The following TEKT5 variants were observed in gnomAD, a reference collection of about 807,000 sequenced individuals.
TEKT5 encodes the protein tektin-5.
TEKT5 carries 52 observed loss-of-function variants against 48.7 expected under a neutral mutation model. That is an observed-to-expected ratio of 1.07 (90% CI 0.86 to 1.35). The LOEUF is 1.35. Ranked by LOEUF, TEKT5 falls within the 40% of genes most tolerant of loss-of-function variation. The pLI, the probability that TEKT5 is intolerant of heterozygous loss-of-function variation, is 0.00. For synonymous variants in TEKT5, 318 were observed against 267.6 expected, an observed-to-expected ratio of 1.19 and a Z score of -1.84; for missense variants, 831 against 641.6, an observed-to-expected ratio of 1.30 and a Z score of -3.19.
Position 10,643,598 on chromosome 16 carries a change from C to T in TEKT5, c.1087-7680G>A, listed in dbSNP as rs543233390. On this transcript the variant is annotated intron_variant, in intron 5 of 6. Coordinates refer to ENST00000283025, the MANE Select transcript of TEKT5 (RefSeq NM_144674.2). ...AATTGAGATGAGCCGTAAGTAAGCA[C>T]GTAACATGCACCAGATTTTGAAGAC... Among the ~76,000 whole-genome samples the T allele has an allele frequency of 4.7e-4, 72 of 152,140 alleles. 1 individual carries two copies. The highest frequency in any genetic ancestry group is 1.5e-3 in the African/African-American group (63 of 41,510).
chr16:10,681,940 C>A, intron 4 of TEKT5, 53 bp downstream of exon 4: 2 of 1,590,878 alleles, frequency 1.3e-6, no homozygotes, highest in Non-Finnish European at 8.6e-7. Context: ...GGAGCAGAAG[C>A]CCTCACTCCA....
At chr16:10,669,054 A>T (rs189281206) in intron 5 of TEKT5, among the ~76,000 whole-genome samples, 3 of 152,298 alleles carry the variant, frequency 2.0e-5, no homozygotes, top group Non-Finnish European at 4.4e-5. Context: ...TTTATGTGAA[A>T]TCACCATTTT....
Position 10,682,019 on chromosome 16 carries a change from G to T in TEKT5, c.837C>A (p.Phe279Leu), listed in dbSNP as rs762989122. The T allele has an allele frequency of 3.7e-6, 6 of 1,614,020 alleles. No homozygotes were observed. The Admixed American group carries it at 1.0e-4, about 27-fold the overall frequency. ...TGCCGTCAATTTTCTCCATGCCGTG[G>T]AAGAAGCTGATGCAGTCTGACGTAT... ...LRNTSDCISF[F>L]HGMEKIDGTI... Residue 279 changes from phenylalanine to leucine, a missense_variant, in exon 4 of 7, where the codon TTC becomes TTA. Physicochemically the swap from Phe to Leu is conservative, Grantham distance 22 (BLOSUM62 0). Coordinates refer to ENST00000283025, the MANE Select transcript of TEKT5 (RefSeq NM_144674.2).
chr16:10,665,964 G>T (rs896337800), intron 5 of TEKT5, among the ~76,000 whole-genome samples: 1 of 152,164 alleles, frequency 6.6e-6, no homozygotes, highest in African/African-American at 2.4e-5. Context: ...AACAGAACAG[G>T]GGCTGGGCGC....
rs1899050150 is a variant in TEKT5 at position 10,694,668 on chromosome 16, G to A, written c.206C>T (p.Thr69Ile). The change falls in exon 1 of 7, where the codon ACC (threonine) becomes ATC (isoleucine). Residue 69 changes from threonine to isoleucine, a missense_variant. Coordinates refer to ENST00000283025, the MANE Select transcript of TEKT5 (RefSeq NM_144674.2). ...ANVQTCPDES[T>I]STLRPPTILP... ...GATGGTGGGCGGCCGCAGGGTACTGGTGCTCTCGTCCGGGCAGGTCTGGAC... is the reference window on the plus strand; with the variant it reads ...GATGGTGGGCGGCCGCAGGGTACTGATGCTCTCGTCCGGGCAGGTCTGGAC... The A allele has an allele frequency of 8.1e-6, 13 of 1,613,312 alleles. No individual in the cohort carries two copies. The highest frequency in any genetic ancestry group is 1.3e-5 in the African/African-American group (1 of 74,928).
chr16:10,650,775 C>T (rs1247564515), intron 5 of TEKT5, among the ~76,000 whole-genome samples: 3 of 151,968 alleles, frequency 2.0e-5, no homozygotes, highest in African/African-American at 4.8e-5. Context: ...ATCCCAGCTA[C>T]TCAGGAGGCT....
chr16:10,635,505 C>A (rs1277802449), intron 6 of TEKT5, among the ~76,000 whole-genome samples: 1 of 152,078 alleles, frequency 6.6e-6, no homozygotes, highest in African/African-American at 2.4e-5. Context: ...CAAAACCACC[C>A]CTAGTTTAGG....
rs1013144529 is a variant in TEKT5, at chr16:10,638,188, G to T, written c.1087-2270C>A. On this transcript the variant is annotated intron_variant, in intron 5 of 6. Transcript: ENST00000283025. Reference sequence around the variant, plus strand: ...ACAAAAAATAAAAGAACGAGAGAATGAACAAAGAATGGGCTCAAAAGCCTA... The same window carrying T: ...ACAAAAAATAAAAGAACGAGAGAATTAACAAAGAATGGGCTCAAAAGCCTA... 5.3e-5 allele frequency among the ~76,000 whole-genome samples: 8 copies of T among 152,306 alleles called. No individual in the cohort carries two copies. The East Asian group carries it at 1.5e-3, about 29-fold the overall frequency.
At chr16:10,674,617 GAAAAAA>G (rs57583870) in intron 5 of TEKT5, among the ~76,000 whole-genome samples, 58 of 74,732 alleles carry the variant, frequency 7.8e-4, no homozygotes, top group South Asian at 4.3e-3. Context: ...GATCATCTCA[GAAAAAA>G]AAAAAAAAAA....
At chr16:10,666,581 C>A (rs1245515818) in intron 5 of TEKT5, among the ~76,000 whole-genome samples, 1 of 152,212 alleles carries the variant, frequency 6.6e-6, no homozygotes, top group Non-Finnish European at 1.5e-5. Flanking sequence ...ACAACCACTA[C>A]AGTGAAGAAT....
At chr16:10,645,638 G>C (rs1250869511) in intron 5 of TEKT5, among the ~76,000 whole-genome samples, 2 of 151,936 alleles carry the variant, frequency 1.3e-5, no homozygotes, top group Admixed American at 6.6e-5. Flanking sequence ...TCCCATCTCT[G>C]CTAAAAATAC....
intron 6 of TEKT5, among the ~76,000 whole-genome samples, chr16:10,631,812 G>C (rs1224029261): frequency 2.0e-5 from 3 of 152,188 alleles, no homozygotes; most frequent in Non-Finnish European, 4.4e-5. Context: ...GAGTGGAAGG[G>C]AACAGAGCCT....
At chr16:10,636,693 G>A (rs1897918349) in intron 5 of TEKT5, among the ~76,000 whole-genome samples, 1 of 80,336 alleles carries the variant, frequency 1.2e-5, no homozygotes, top group African/African-American at 7.1e-5. Flanking sequence ...ATACATACGT[G>A]TGTGTGTGTG....
intron 5 of TEKT5, among the ~76,000 whole-genome samples, chr16:10,640,742 G>T (rs944468838): frequency 1.9e-4 from 28 of 145,580 alleles, no homozygotes; most frequent in African/African-American, 7.7e-4. Context: ...TTTGGAGGGA[G>T]GGGGTTCTGG....
chr16:10,693,319 T>A (rs1282931338), intron 1 of TEKT5, among the ~76,000 whole-genome samples: 11 of 152,198 alleles, frequency 7.2e-5, no homozygotes, highest in African/African-American at 2.7e-4. Flanking sequence ...GGTCTCAAAC[T>A]CCTGACCTCA....
In TEKT5 at chr16:10,658,988, G is replaced by T. The variant is rs140209864; in HGVS notation, c.1086+16971C>A. Among the ~76,000 whole-genome samples, 468 of 152,312 alleles carry T rather than the reference G, an allele frequency of 3.1e-3. 3 individuals carry two copies. The highest frequency in any genetic ancestry group is 0.011 in the African/African-American group (438 of 41,562). On this transcript the variant is annotated intron_variant, in intron 5 of 6. Transcript: ENST00000283025. ...CCACTTCAGTCTCCCAAAGTGCTAG[G>T]ATTACAGATGTGAGCCACGGTGCCC...
intron 5 of TEKT5, among the ~76,000 whole-genome samples, chr16:10,638,010 C>G (rs1172515191): frequency 6.6e-6 from 1 of 152,102 alleles, no homozygotes. Flanking sequence ...TTGGGGCTTG[C>G]TATGTTGCTC....
chr16:10,666,265 T>C (rs1898455223), intron 5 of TEKT5, among the ~76,000 whole-genome samples: 4 of 152,196 alleles, frequency 2.6e-5, no homozygotes, highest in Non-Finnish European at 5.9e-5. Context: ...CAACAGTTCA[T>C]GAGTTCAGGA....
chr16:10,694,715 G>A lies in TEKT5; in HGVS notation c.159C>T (p.Ser53=), dbSNP rs749669860. Residue 53 remains serine (S), a synonymous_variant, in exon 1 of 7, where the codon AGC becomes AGT. Transcript: ENST00000283025. ...GYRYLNSWRP[S]LFYKIANVQT... Reference sequence around the variant, plus strand: ...GGACGTTGGCTATCTTGTAGAAGAGGCTAGGCCTCCATGAATTGAGGTAGC... The same window carrying A: ...GGACGTTGGCTATCTTGTAGAAGAGACTAGGCCTCCATGAATTGAGGTAGC... 1.9e-6 allele frequency: 3 copies of A among 1,614,050 alleles called. No homozygotes were observed. Among genetic ancestry groups the A allele is most frequent in the South Asian group, 1.1e-5 (1 of 91,080 alleles).
Sources: allele counts gnomAD v4.1 joint callset (sites outside exome capture counted in the v4.1 genomes callset), GRCh38; gene constraint gnomAD v4.1.1; transcripts MANE v1.5; gene names NCBI Gene and HGNC (gene_info 2026-07-23, HGNC 2026-07-21).